The following COQ8A variants were observed in gnomAD, a reference collection of about 807,000 sequenced individuals.
COQ8A encodes the protein coenzyme Q8A.
A neutral mutation model predicts 65.0 loss-of-function variants in COQ8A; 51 were observed. That is an observed-to-expected ratio of 0.78 (90% CI 0.63 to 0.99). The LOEUF (loss-of-function observed/expected upper bound fraction) is 0.99. Ranked by LOEUF, COQ8A falls within the 50% of genes least tolerant of loss-of-function variation. The probability of loss-of-function intolerance (pLI) is 0.00; values close to 1 mark genes in which losing one functional copy is unlikely to be tolerated. For missense variants in COQ8A, 940 were observed against 875.0 expected (o/e 1.07, Z -0.94); for synonymous variants, 371 against 353.2 (o/e 1.05, Z -0.57).
At chr1:226,960,974 C>T (rs74759496) in intron 1 of COQ8A, among the ~76,000 whole-genome samples, 3,107 of 152,182 alleles carry the variant, frequency 0.02, 118 homozygotes, top group African/African-American at 0.071. Flanking sequence ...TGCTCCTCTC[C>T]CAACAGGCAG....
chr1:226,960,477 A>ACTTGGTG (rs1658160439), intron 1 of COQ8A, among the ~76,000 whole-genome samples: 1 of 9,588 alleles, frequency 1.0e-4, no homozygotes. Flanking sequence ...TGGTGGTGGC[A>ACTTGGTG]GTGGTACTTG....
At position 226,977,493 on chromosome 1, in the gene COQ8A, A is replaced by G; in HGVS notation, c.700A>G (p.Lys234Glu). 4 of 1,567,852 alleles carry G rather than the reference A, an allele frequency of 2.6e-6. No homozygotes were observed. Among genetic ancestry groups the G allele is most frequent in the Non-Finnish European group, 3.5e-6 (4 of 1,156,542 alleles). Residue 234 changes from lysine (K) to glutamate (E), a missense_variant, in exon 5 of 15, where the codon AAG becomes GAG. By Grantham distance (56) the Lys-to-Glu change is moderately conservative. Coordinates refer to ENST00000366777, the MANE Select transcript of COQ8A (RefSeq NM_020247.5). ...LGFGALAEVA[K>E]KSLRSEDPSG... ...CTTCGGGGCACTGGCAGAGGTCGCC[A>G]AGAAGAGCCTGCGCTCCGAGGACCC...
chr1:226,982,560 C>G, intron 6 of COQ8A, 118 bp from the exon 7 acceptor site: 1 of 1,112,998 alleles, frequency 9.0e-7, no homozygotes, highest in Non-Finnish European at 1.4e-6. Flanking sequence ...TCTGGCCTCA[C>G]CCGTGCTCCT....
intron 1 of COQ8A, among the ~76,000 whole-genome samples, chr1:226,959,501 T>C (rs541994485): frequency 1.3e-5 from 2 of 152,260 alleles, no homozygotes; most frequent in East Asian, 3.9e-4. Context: ...GTGTGGCCCC[T>C]AAACAGTAGG....
At chr1:226,955,878 T>A (rs1414310179) in intron 1 of COQ8A, among the ~76,000 whole-genome samples, 1 of 125,984 alleles carries the variant, frequency 7.9e-6, no homozygotes, top group Non-Finnish European at 1.6e-5. Flanking sequence ...TGGTTCACAC[T>A]CTCCCTGGCT....
intron 1 of COQ8A, among the ~76,000 whole-genome samples, chr1:226,956,414 G>A (rs1465077351): frequency 1.9e-5 from 2 of 105,216 alleles, no homozygotes; most frequent in African/African-American, 8.3e-5. Flanking sequence ...CCTGGTTCCC[G>A]CTCTCCCTGA....
chr1:226,951,140 C>A (rs895894518), intron 1 of COQ8A, among the ~76,000 whole-genome samples: 1 of 152,200 alleles, frequency 6.6e-6, no homozygotes, highest in African/African-American at 2.4e-5. Context: ...AGCGTGCGTC[C>A]CTGTCTGCCT....
At chr1:226,944,607 G>A (rs1468044164) in intron 1 of COQ8A, among the ~76,000 whole-genome samples, 1 of 150,972 alleles carries the variant, frequency 6.6e-6, no homozygotes, top group Non-Finnish European at 1.5e-5. Context: ...AAGAGGGGTC[G>A]AGGCCTTCTG....
At chr1:226,964,438 C>G (rs1658435414) in intron 2 of COQ8A, among the ~76,000 whole-genome samples, 1 of 152,234 alleles carries the variant, frequency 6.6e-6, no homozygotes. Context: ...CTCCATTTCC[C>G]TGTACCCTGA....
chr1:226,941,920 C>T (rs575924149), intron 1 of COQ8A, among the ~76,000 whole-genome samples: 2 of 152,242 alleles, frequency 1.3e-5, no homozygotes, highest in East Asian at 1.9e-4. Context: ...TGGGCACCTC[C>T]CTCAGAGCCA....
At position 226,982,701 on chromosome 1, in the gene COQ8A, C is replaced by A. The variant is rs762169546; in HGVS notation, c.877C>A (p.Leu293Met). ...AGATGATGCCTTTATCAACCCCCAC[C>A]TGGCTAAGATCTTCGAGCGGGTGCG... ...IQDDAFINPH[L>M]AKIFERVRQS... Residue 293 changes from leucine (L) to methionine (M), a missense_variant, in exon 7 of 15, where the codon CTG (leucine) becomes ATG (methionine). Coordinates refer to ENST00000366777, the MANE Select transcript of COQ8A (RefSeq NM_020247.5). 6 of 1,613,672 alleles carry A rather than the reference C, an allele frequency of 3.7e-6. No homozygotes were observed. In the Admixed American group the frequency reaches 8.3e-5, roughly 22 times the overall value.
At chr1:226,953,394 A>G (rs541551049) in intron 1 of COQ8A, among the ~76,000 whole-genome samples, 1 of 152,322 alleles carries the variant, frequency 6.6e-6, no homozygotes, top group East Asian at 1.9e-4. Context: ...TAGCTAACTA[A>G]TCTTAGGCAA....
chr1:226,967,566 A>G (rs1279714350), intron 4 of COQ8A, among the ~76,000 whole-genome samples: 1 of 152,268 alleles, frequency 6.6e-6, no homozygotes, highest in Non-Finnish European at 1.5e-5. Context: ...GGCAGTAGTC[A>G]GACCCTTTTG....
intron 5 of COQ8A, among the ~76,000 whole-genome samples, chr1:226,978,408 T>C (rs1261485420): frequency 3.3e-5 from 3 of 90,842 alleles, no homozygotes; most frequent in Admixed American, 1.4e-4. Context: ...CCCGCACACC[T>C]TGCACACCCT....
At chr1:226,979,146 C>T (rs1189229790) in intron 5 of COQ8A, among the ~76,000 whole-genome samples, 3 of 152,348 alleles carry the variant, frequency 2.0e-5, no homozygotes, top group East Asian at 3.9e-4. Flanking sequence ...TCACCTCTGA[C>T]GTGAAGGTCA....
At chr1:226,979,260 G>A (rs928438832) in intron 5 of COQ8A, among the ~76,000 whole-genome samples, 3 of 152,210 alleles carry the variant, frequency 2.0e-5, no homozygotes, top group African/African-American at 7.2e-5. Flanking sequence ...AACGGACCAC[G>A]CTGAGGCTTT....
At chr1:226,942,886 C>G (rs962490726) in intron 1 of COQ8A, among the ~76,000 whole-genome samples, 2 of 152,148 alleles carry the variant, frequency 1.3e-5, no homozygotes, top group Non-Finnish European at 2.9e-5. Context: ...TAAATTTTGC[C>G]TTCAGTGTAA....
At chr1:226,985,493 G>A (rs191862726) in intron 14 of COQ8A, among the ~76,000 whole-genome samples, 153 bp downstream of exon 14, 2 of 152,324 alleles carry the variant, frequency 1.3e-5, no homozygotes, top group South Asian at 2.1e-4. Context: ...GGCCCACCCC[G>A]GCCCATGCTG....
At chr1:226,944,371 C>T (rs1386505575) in intron 1 of COQ8A, among the ~76,000 whole-genome samples, 1 of 151,892 alleles carries the variant, frequency 6.6e-6, no homozygotes, top group Non-Finnish European at 1.5e-5. Flanking sequence ...ATGTTTGGTA[C>T]AGGAGAGCAG....
Sources: allele counts gnomAD v4.1 joint callset (sites outside exome capture counted in the v4.1 genomes callset), GRCh38; gene constraint gnomAD v4.1.1; transcripts MANE v1.5; gene names NCBI Gene and HGNC (gene_info 2026-07-23, HGNC 2026-07-21).